The following FANCD2 variants were observed in gnomAD, a reference collection of about 807,000 sequenced individuals.
FANCD2 encodes Fanconi anemia group D2 protein.
Under a neutral mutation model 192.3 loss-of-function variants are expected in FANCD2, and 131 were observed. The ratio of observed to expected loss-of-function variants is 0.68; its 90% CI spans 0.59 to 0.79. The LOEUF (loss-of-function observed/expected upper bound fraction) is 0.79. FANCD2 is among the 30% of genes least tolerant of loss of function. The probability of loss-of-function intolerance (pLI) is 0.00; values close to 1 mark genes in which losing one functional copy is unlikely to be tolerated. For missense variants in FANCD2, 1,508 were observed against 1,701.6 expected, an observed-to-expected ratio of 0.89 and a Z score of 2.00; for synonymous variants, 524 against 612.5, an observed-to-expected ratio of 0.86 and a Z score of 2.13.
At chr3:10,059,617 A>C (rs1263200178) in intron 18 of FANCD2, among the ~76,000 whole-genome samples, 1 of 152,066 alleles carries the variant, frequency 6.6e-6, no homozygotes, top group African/African-American at 2.4e-5. Flanking sequence ...CCTGGCTAAC[A>C]TGGTGAAACC....
chr3:10,034,567 G>T (rs1403283082), intron 4 of FANCD2, 31 bp downstream of exon 4: 1 of 1,574,970 alleles, frequency 6.3e-7, no homozygotes, highest in East Asian at 2.2e-5. Context: ...ATTTTTGCTT[G>T]TGCCAGCATA....
rs1386569226 is a variant in FANCD2 at position 10,051,216 on chromosome 3, T to C, written c.1546-1171T>C. Among the ~76,000 whole-genome samples the C allele has an allele frequency of 4.1e-5, 6 of 147,696 alleles. No homozygotes were observed. The East Asian group carries it at 1.2e-3, about 29-fold the overall frequency. On this transcript the variant is annotated intron_variant, in intron 17 of 43. Coordinates refer to ENST00000675286, the MANE Select transcript of FANCD2 (RefSeq NM_001018115.3). ...TAAAACGGTGAAACCCCGTCTCTAC[T>C]AAAAATACAAAAAAATTAGCCGGGC...
intron 6 of FANCD2, among the ~76,000 whole-genome samples, chr3:10,035,536 A>T (rs1216626286): frequency 3.3e-5 from 5 of 152,092 alleles, no homozygotes; most frequent in Non-Finnish European, 5.9e-5. Flanking sequence ...TCATATCTAC[A>T]TTATCTCCCA....
At chr3:10,054,446 C>CGTGT (rs2087332577) in intron 18 of FANCD2, among the ~76,000 whole-genome samples, 1 of 36,482 alleles carries the variant, frequency 2.7e-5, no homozygotes, top group Non-Finnish European at 4.3e-5. Flanking sequence ...CATGTATATA[C>CGTGT]ATATATATAT....
At chr3:10,080,692 G>A (rs976282054) in intron 30 of FANCD2, among the ~76,000 whole-genome samples, 1 of 152,140 alleles carries the variant, frequency 6.6e-6, no homozygotes, top group Non-Finnish European at 1.5e-5. Flanking sequence ...GATCACTTGA[G>A]CCCAGGAATT....
intron 32 of FANCD2, among the ~76,000 whole-genome samples, chr3:10,084,771 C>T (rs145660865): frequency 9.2e-5 from 14 of 152,254 alleles, no homozygotes; most frequent in Admixed American, 6.5e-4. Context: ...AGATCTAGGA[C>T]GTCAGATTGT....
intron 43 of FANCD2, among the ~76,000 whole-genome samples, chr3:10,099,976 G>A (rs1247550032): frequency 1.3e-5 from 2 of 151,990 alleles, no homozygotes; most frequent in Admixed American, 6.6e-5. Flanking sequence ...TGGGAGGACC[G>A]CTTAAGCCCA....
Position 10,088,530 on chromosome 3 carries a change from A to ATGCTC in FANCD2, c.3556_3560dup (p.Ile1188SerfsTer12), listed in dbSNP as rs755673512. 1.2e-6 allele frequency: 2 copies of ATGCTC among 1,601,700 alleles called. No individual in the cohort carries two copies. Among genetic ancestry groups the ATGCTC allele is most frequent in the South Asian group, 2.2e-5 (2 of 90,822 alleles). Reference sequence around the variant, plus strand: ...AGCAACATCTCTAATGACCAGCTCCATGCTCTGCTCTGGTGAGATGTTTGG... The same window carrying ATGCTC: ...AGCAACATCTCTAATGACCAGCTCCATGCTCTGCTCTGCTCTGGTGAGATGTTTGG... On this transcript the variant is annotated frameshift_variant, in exon 35 of 44. Coordinates refer to ENST00000675286, the MANE Select transcript of FANCD2 (RefSeq NM_001018115.3). LOFTEE classifies it high-confidence loss of function.
At chr3:10,086,995 C>G (rs1038643193) in intron 33 of FANCD2, 139 bp from the exon 34 acceptor site, 11 of 938,386 alleles carry the variant, frequency 1.2e-5, no homozygotes, top group Non-Finnish European at 1.9e-5. Flanking sequence ...AGGGTTGCTA[C>G]TAAAGCACCT....
intron 42 of FANCD2, among the ~76,000 whole-genome samples, chr3:10,097,021 T>C (rs1008248710): frequency 2.0e-4 from 31 of 152,248 alleles, no homozygotes; most frequent in African/African-American, 7.5e-4. Flanking sequence ...CATCACACGT[T>C]GATAGGATCC....
rs146398232 is a variant in FANCD2 at position 10,078,996 on chromosome 3, G to A, written c.2976+799G>A. Among the ~76,000 whole-genome samples, 8 of 151,532 alleles carry A rather than the reference G, an allele frequency of 5.3e-5. No homozygotes were observed. The East Asian group carries it at 1.2e-3, about 23-fold the overall frequency. On this transcript the variant is annotated intron_variant, in intron 30 of 43. Coordinates refer to ENST00000675286, the MANE Select transcript of FANCD2 (RefSeq NM_001018115.3). ...TGGTTCACACCTGTAATTCCAGCAC[G>A]TTGGAAGGCCGAGGCAGGTGGATCA...
chr3:10,056,881 G>T (rs769551237), intron 18 of FANCD2, among the ~76,000 whole-genome samples: 1 of 151,972 alleles, frequency 6.6e-6, no homozygotes, highest in African/African-American at 2.4e-5. Context: ...TTGAGATGGG[G>T]TCTCACTCTG....
chr3:10,056,306 C>A (rs2087410798), intron 18 of FANCD2, among the ~76,000 whole-genome samples: 1 of 152,036 alleles, frequency 6.6e-6, no homozygotes, highest in African/African-American at 2.4e-5. Flanking sequence ...TTGTTTGAGT[C>A]CCTGTTTTCA....
Position 10,101,303 on chromosome 3 carries a change from C to A in FANCD2, c.*41C>A. The A allele has an allele frequency of 7.0e-7, 1 of 1,424,500 alleles. No individual in the cohort carries two copies. The highest frequency in any genetic ancestry group is 9.9e-7 in the Non-Finnish European group (1 of 1,006,338). 88.2% of individuals were successfully genotyped at this position (1,424,500 alleles called of 1,614,324 possible). ...TTGCCTGCTTCTGTGTCTCTGCCAG[C>A]CTGTGATCATTTTGTGTTAGAGTTT... On this transcript the variant is annotated 3_prime_UTR_variant, in exon 44 of 44. Transcript: ENST00000675286.
chr3:10,034,441 G>A lies in FANCD2; in HGVS notation c.206-28G>A, dbSNP rs749767303. 4 of 1,570,470 alleles carry A rather than the reference G, an allele frequency of 2.5e-6. No homozygotes were observed. The highest frequency in any genetic ancestry group is 3.5e-6 in the Non-Finnish European group (4 of 1,140,458). On this transcript the variant is annotated intron_variant, in intron 3 of 43. Transcript: ENST00000675286. ...GAAGGAAAACTATGGTAGGAAACTG[G>A]TGACCAGCTCTTCTTTTTTCTGCAT...
rs753558215 is a variant in FANCD2 at position 10,063,937 on chromosome 3, G to A, written c.1947+26G>A. 7 of 1,614,070 alleles carry A rather than the reference G, an allele frequency of 4.3e-6. No homozygotes were observed. The African/African-American group carries it at 5.3e-5, about 12-fold the overall frequency. On this transcript the variant is annotated intron_variant, in intron 21 of 43. Transcript: ENST00000675286. ...GTAAAGCCAATTGTCTTTTCTTAAA[G>A]CAATAAAGCATGAGAGCTGCTTTAC...
At chr3:10,047,076 A>G (rs1375166547) in intron 15 of FANCD2, among the ~76,000 whole-genome samples, 8 of 152,298 alleles carry the variant, frequency 5.3e-5, no homozygotes, top group Non-Finnish European at 1.0e-4. Context: ...GTGGAATTTT[A>G]TAAGCTAGGA....
chr3:10,060,509 A>G (rs2087535225), intron 19 of FANCD2, 106 bp downstream of exon 19: 1 of 831,324 alleles, frequency 1.2e-6, no homozygotes, highest in South Asian at 1.4e-5. Context: ...ACAACTATAA[A>G]TGAGCAAATG....
chr3:10,035,551 G>C (rs1277448602), intron 6 of FANCD2, among the ~76,000 whole-genome samples: 1 of 152,044 alleles, frequency 6.6e-6, no homozygotes, highest in Non-Finnish European at 1.5e-5. Flanking sequence ...CTCCCATTTA[G>C]CTTTTTAGAT....
Sources: gnomAD v4.1 joint callset for allele counts (sites outside exome capture counted in the v4.1 genomes callset) on GRCh38, gnomAD v4.1.1 for gene constraint, MANE v1.5 for transcripts, NCBI Gene and HGNC (gene_info 2026-07-23, HGNC 2026-07-21) for gene names.